Variants in CADPS observed in about 807,000 individuals in gnomAD.
CADPS encodes calcium dependent secretion activator, also known as calcium-dependent secretion activator 1.
A neutral mutation model predicts 167.3 loss-of-function variants in CADPS; 57 were observed. The observed-to-expected ratio is 0.34, with a 90% CI of 0.28 to 0.42. The LOEUF (loss-of-function observed/expected upper bound fraction) is 0.42. Ranked by LOEUF, CADPS falls within the 20% of genes least tolerant of loss-of-function variation. CADPS has a pLI of 1.00. For synonymous variants in CADPS, 676 were observed against 635.3 expected (o/e 1.06, Z -0.96); for missense variants, 1,414 against 1,738.1 (o/e 0.81, Z 3.32).
Position 62,438,323 on chromosome 3 carries a change from G to A in CADPS, c.3670-112C>T, listed in dbSNP as rs1356696876. The A allele has an allele frequency of 1.2e-5, 9 of 741,878 alleles. No individual in the cohort carries two copies. In the Admixed American group the frequency reaches 2.0e-4, roughly 16 times the overall value. The allele number at this position is 741,878 out of a possible 1,614,324, so 46.0% of individuals were successfully genotyped here. A position where few individuals can be genotyped will look rare whatever the true frequency, so the allele number is the denominator to read the frequency against. ...TCACACACCCTGAGATGCTTCTGCT[G>A]GATCAGCTTTGTAGGCATGGGATTG... On this transcript the variant is annotated intron_variant, in intron 27 of 29. Coordinates refer to ENST00000383710, the MANE Select transcript of CADPS (RefSeq NM_003716.4). The surrounding 1 kb of genome is among the most constrained non-coding windows in gnomAD (Gnocchi z 4.7).
At chr3:62,865,094 G>A (rs931504819) in intron 1 of CADPS, among the ~76,000 whole-genome samples, 47 of 152,106 alleles carry the variant, frequency 3.1e-4, no homozygotes, top group African/African-American at 1.1e-3. Flanking sequence ...GACAACAGTT[G>A]CTATACTTGT....
chr3:62,518,242 C>T lies in CADPS; in HGVS notation c.2300G>A (p.Gly767Glu). 2 of 1,611,100 alleles carry T rather than the reference C, an allele frequency of 1.2e-6. No homozygotes were observed. Among genetic ancestry groups the T allele is most frequent in the Non-Finnish European group, 1.7e-6 (2 of 1,178,268 alleles). ...TTCTTCAACAGTCACAGTTCCAATT[C>T]CATCAGGCCTGAAAGAAGACATGTC... is the stretch of plus-strand genomic sequence containing the variant. ...ASHVHGNRPD[G>E]IGTVTVEEKE... is the part of the protein sequence containing the mutation. Residue 767 changes from glycine to glutamate, a missense_variant, in exon 14 of 30, where the codon GGA (glycine) becomes GAA (glutamate). Physicochemically the swap from Gly to Glu is moderately conservative, Grantham distance 98 (BLOSUM62 -2). This residue lies in a region of CADPS where 529 missense variants were observed against 629.6 expected (regional missense o/e 0.84). Transcript: ENST00000383710.
At chr3:62,435,487 AGCTCTGG>A (rs1237942773) in intron 28 of CADPS, among the ~76,000 whole-genome samples, 9 of 152,192 alleles carry the variant, frequency 5.9e-5, no homozygotes, top group Non-Finnish European at 1.0e-4. Flanking sequence ...CTTTTCGAGA[AGCTCTGG>A]GTTTTTAAAA....
Position 62,544,873 on chromosome 3 carries a change from G to C in CADPS, c.1966+5030C>G. The C allele has an allele frequency of 8.0e-7, 1 of 1,242,870 alleles. No individual in the cohort carries two copies. The highest frequency in any genetic ancestry group is 1.0e-6 in the Non-Finnish European group (1 of 965,926). The allele number at this position is 1,242,870 out of a possible 1,614,324, so 77.0% of individuals were successfully genotyped here. On this transcript the variant is annotated intron_variant, in intron 11 of 29. Transcript: ENST00000383710. This position sits in a 1 kb window ranked among gnomAD's most constrained non-coding sequence, Gnocchi z 4.4. ...CCTTCAGTCCAGCTAGAAGTTAGCA[G>C]GGTAAGAAGGAACAAACCAGAATAA...
intron 11 of CADPS, among the ~76,000 whole-genome samples, chr3:62,549,213 T>C (rs1276242772): frequency 1.3e-5 from 2 of 152,252 alleles, no homozygotes; most frequent in Non-Finnish European, 2.9e-5. Context: ...TTTGTTTTAA[T>C]AAATATTTCC....
chr3:62,587,846 T>C (rs780524624), intron 7 of CADPS, among the ~76,000 whole-genome samples: 5 of 152,176 alleles, frequency 3.3e-5, no homozygotes, highest in Non-Finnish European at 7.3e-5. Flanking sequence ...TCTTCTGTCT[T>C]TGCCCCCACC....
intron 1 of CADPS, among the ~76,000 whole-genome samples, chr3:62,791,693 C>T (rs562787804): frequency 1.3e-5 from 2 of 152,268 alleles, no homozygotes; most frequent in South Asian, 2.1e-4. Flanking sequence ...GGATAAGTCA[C>T]GGCAGGAAAA....
chr3:62,474,153 A>ATTTCTTTTTTTTTT lies in CADPS; in HGVS notation c.3477+19_3477+20insAAAAAAAAAAGAAA. 1 of 735,996 alleles carries ATTTCTTTTTTTTTT rather than the reference A, an allele frequency of 1.4e-6. No homozygotes were observed. Among genetic ancestry groups the ATTTCTTTTTTTTTT allele is most frequent in the Non-Finnish European group, 1.8e-6 (1 of 549,888 alleles). The allele number at this position is 735,996 out of a possible 1,614,324, so 45.6% of individuals were successfully genotyped here. On this transcript the variant is annotated intron_variant, in intron 24 of 29. Transcript: ENST00000383710. ...AATGAAGAGGGAAAAAAAAATCTGT[A>ATTTCTTTTTTTTTT]TTTTTTTTTTTTTTTTTACCTCTTG... is the stretch of plus-strand genomic sequence containing the variant.
intron 6 of CADPS, among the ~76,000 whole-genome samples, chr3:62,643,848 T>A (rs999397482): frequency 1.3e-5 from 2 of 152,178 alleles, no homozygotes; most frequent in African/African-American, 4.8e-5. Context: ...GCACAAATAG[T>A]GCAGTATAAC....
At chr3:62,723,672 G>A (rs2076214959) in intron 3 of CADPS, among the ~76,000 whole-genome samples, 1 of 152,198 alleles carries the variant, frequency 6.6e-6, no homozygotes, top group African/African-American at 2.4e-5. Flanking sequence ...TTTGGCTTGG[G>A]AATTATTGGG....
chr3:62,401,250 CTGTTGCCACTTAGAATAACATAAT>C (rs1420234689), intron 29 of CADPS, among the ~76,000 whole-genome samples: 3 of 152,052 alleles, frequency 2.0e-5, no homozygotes, highest in Non-Finnish European at 2.9e-5. Context: ...ATCATTTGTT[CTGTTGCCACTTAGAATAACATAAT>C]TGTTGCCAGA....
Position 62,533,581 on chromosome 3 carries a change from C to T in CADPS, c.2104-523G>A, listed in dbSNP as rs574588342. ...AAGACAAGAAAATGGAAATCCTGGTCGTTAAGTGACTCACACAGATAATAC... is the reference window on the plus strand; with the variant it reads ...AAGACAAGAAAATGGAAATCCTGGTTGTTAAGTGACTCACACAGATAATAC... On this transcript the variant is annotated intron_variant, in intron 12 of 29. Coordinates refer to ENST00000383710, the MANE Select transcript of CADPS (RefSeq NM_003716.4). Among the ~76,000 whole-genome samples, 6 of 152,232 alleles carry T rather than the reference C, an allele frequency of 3.9e-5. No homozygotes were observed. The East Asian group carries it at 5.8e-4, about 15-fold the overall frequency.
intron 26 of CADPS, among the ~76,000 whole-genome samples, chr3:62,462,318 G>T: frequency 6.6e-6 from 1 of 152,270 alleles, no homozygotes; most frequent in Non-Finnish European, 1.5e-5. Context: ...CTGGCACGAA[G>T]AAGCCACATC....
At chr3:62,815,329 C>A (rs745967624) in intron 1 of CADPS, among the ~76,000 whole-genome samples, 1 of 151,728 alleles carries the variant, frequency 6.6e-6, no homozygotes, top group African/African-American at 2.4e-5. Flanking sequence ...AGTGAAGAGG[C>A]CAGTCCCCTA....
At chr3:62,807,317 A>G (rs1445425552) in intron 1 of CADPS, among the ~76,000 whole-genome samples, 1 of 129,686 alleles carries the variant, frequency 7.7e-6, no homozygotes, top group Non-Finnish European at 1.8e-5. Context: ...GCTGGAGGGC[A>G]CTGGCGTGAT....
intron 14 of CADPS, among the ~76,000 whole-genome samples, chr3:62,517,885 T>C (rs1189975526): frequency 6.6e-6 from 1 of 152,148 alleles, no homozygotes; most frequent in African/African-American, 2.4e-5. Context: ...AGCTTCAAAT[T>C]CAACTTTTTG....
At chr3:62,589,375 C>T (rs1208516814) in intron 7 of CADPS, among the ~76,000 whole-genome samples, 5 of 152,204 alleles carry the variant, frequency 3.3e-5, no homozygotes, top group African/African-American at 1.2e-4. Flanking sequence ...GAGGGGTAAA[C>T]TAGCATCTGG....
chr3:62,814,496 C>G (rs529692549), intron 1 of CADPS: 1 of 152,238 alleles, frequency 6.6e-6, no homozygotes, highest in African/African-American at 2.4e-5. Context: ...ATAAAAATTT[C>G]TTTTACCTAT....
rs1220197771 is a variant in CADPS, at chr3:62,874,859, G to A, written c.171C>T (p.Ala57=). The change falls in exon 1 of 30, where the codon GCC becomes GCT. Residue 57 remains alanine (A), a synonymous_variant. Coordinates refer to ENST00000383710, the MANE Select transcript of CADPS (RefSeq NM_003716.4). This position sits in a 1 kb window ranked among gnomAD's most constrained non-coding sequence, Gnocchi z 7.1. The part of the protein sequence containing the change: ...GLGGGGAGAG[A]GVGAGGGGGS... ...CCCCGCCGCCGCCTGCACCCACCCC[G>A]GCTCCGGCGCCGGCGCCGCCGCCCC... 3 of 1,096,222 alleles carry A rather than the reference G, an allele frequency of 2.7e-6. No individual in the cohort carries two copies. The highest frequency in any genetic ancestry group is 1.7e-5 in the African/African-American group (1 of 59,152). The allele number at this position is 1,096,222 out of a possible 1,614,324, so 67.9% of individuals were successfully genotyped here. A position where few individuals can be genotyped will look rare whatever the true frequency, so the allele number is the denominator to read the frequency against.
Sources: allele counts gnomAD v4.1 joint callset (sites outside exome capture counted in the v4.1 genomes callset), GRCh38; gene constraint gnomAD v4.1.1; regional missense constraint gnomAD v4.1.1; non-coding constraint Gnocchi (gnomAD v3.1); transcripts MANE v1.5; gene names NCBI Gene and HGNC (gene_info 2026-07-23, HGNC 2026-07-21).